The following CCDC12 variants were observed in gnomAD, a reference collection of about 807,000 sequenced individuals.
CCDC12 encodes coiled-coil domain-containing protein 12.
CCDC12 carries 28 observed loss-of-function variants against 25.7 expected under a neutral mutation model. The observed-to-expected ratio is 1.09, with a 90% CI of 0.81 to 1.50. The LOEUF (loss-of-function observed/expected upper bound fraction) is 1.50, where lower values mean the gene tolerates loss of function less well. CCDC12 is among the 40% of genes most tolerant of loss of function. The pLI, the probability that CCDC12 is intolerant of heterozygous loss-of-function variation, is 0.00. For synonymous variants in CCDC12, 75 were observed against 87.7 expected, an observed-to-expected ratio of 0.86 and a Z score of 0.81; for missense variants, 198 against 210.0, an observed-to-expected ratio of 0.94 and a Z score of 0.35.
chr3:46,931,498 CCTGGTCCACT>C (rs2033210733), intron 2 of CCDC12, among the ~76,000 whole-genome samples: 2 of 152,208 alleles, frequency 1.3e-5, no homozygotes, highest in Non-Finnish European at 2.9e-5. Flanking sequence ...TTTCATGGCC[CCTGGTCCACT>C]TCACTCACTC....
At chr3:46,979,496 C>G (rs976749194), upstream of CCDC12, 1 of 171,238 alleles carries the variant, frequency 5.8e-6, no homozygotes, top group Non-Finnish European at 1.2e-5. Flanking sequence ...CCCGGAGGCT[C>G]AGGCTGGCCC....
In CCDC12 at chr3:46,922,317, AGCAGGGAG is replaced by A. The variant is rs1559545809; in HGVS notation, c.342-13_342-6del. On this transcript the variant is annotated splice_polypyrimidine_tract_variant and splice_region_variant and intron_variant, in intron 5 of 6. Coordinates refer to ENST00000683445, the MANE Select transcript of CCDC12 (RefSeq NM_001277074.2). ...GCCACATCTCTCTTGAGGTCCCTGGAGCAGGGAGGCAGGGAGAAGCAGGAAGGTGAAGG... is the reference window on the plus strand; with the variant it reads ...GCCACATCTCTCTTGAGGTCCCTGGAGCAGGGAGAAGCAGGAAGGTGAAGG... The A allele has an allele frequency of 3.1e-6, 5 of 1,614,022 alleles. No homozygotes were observed. The highest frequency in any genetic ancestry group is 4.2e-6 in the Non-Finnish European group (5 of 1,180,006).
chr3:46,922,490 C>A lies in CCDC12; in HGVS notation c.342-178G>T. The stretch of plus-strand genomic sequence containing the variant: ...GTACCCTCCGAAACCCAGCATAAAC[C>A]ATCATTCCCTGTCCCACTGAGGCAG... On this transcript the variant is annotated intron_variant, in intron 5 of 6. Transcript: ENST00000683445. The A allele has an allele frequency of 4.6e-6, 3 of 650,218 alleles. No homozygotes were observed. In the South Asian group the frequency reaches 5.5e-5, roughly 12 times the overall value. 40.3% of individuals were successfully genotyped at this position (650,218 alleles called of 1,614,324 possible). A position where few individuals can be genotyped will look rare whatever the true frequency, so the allele number is the denominator to read the frequency against.
chr3:46,951,252 C>T (rs2034104493), intron 1 of CCDC12, among the ~76,000 whole-genome samples: 1 of 152,048 alleles, frequency 6.6e-6, no homozygotes, highest in African/African-American at 2.4e-5. Flanking sequence ...AGATGTTGGG[C>T]AAAGGACACA....
At chr3:46,935,286 G>C (rs1309359502) in intron 2 of CCDC12, among the ~76,000 whole-genome samples, 1 of 152,152 alleles carries the variant, frequency 6.6e-6, no homozygotes, top group African/African-American at 2.4e-5. Context: ...TTGGGAGGTC[G>C]GGACTTGCTT....
At chr3:46,935,664 G>C (rs1045121961) in intron 2 of CCDC12, among the ~76,000 whole-genome samples, 9 of 152,180 alleles carry the variant, frequency 5.9e-5, no homozygotes, top group Non-Finnish European at 7.3e-5. Flanking sequence ...TGCCTCTACA[G>C]AGTTAGCTAC....
At chr3:46,942,449 C>A (rs1047506513) in intron 1 of CCDC12, among the ~76,000 whole-genome samples, 1 of 152,258 alleles carries the variant, frequency 6.6e-6, no homozygotes, top group Non-Finnish European at 1.5e-5. Flanking sequence ...CTGGTGGACA[C>A]AGAATGCGCT....
intron 2 of CCDC12, among the ~76,000 whole-genome samples, chr3:46,937,238 C>A (rs1312015074): frequency 6.6e-6 from 1 of 152,214 alleles, no homozygotes; most frequent in Non-Finnish European, 1.5e-5. Flanking sequence ...ACCACCCACC[C>A]TTTCACACTG....
At chr3:46,923,251 A>T (rs2032765175) in intron 5 of CCDC12, 78 bp downstream of exon 5, 1 of 1,360,324 alleles carries the variant, frequency 7.4e-7, no homozygotes, top group Non-Finnish European at 9.7e-7. Flanking sequence ...GACGGCAGGA[A>T]GGGCCAAGCC....
chr3:46,947,341 G>A (rs2033946032), intron 1 of CCDC12, among the ~76,000 whole-genome samples: 3 of 152,204 alleles, frequency 2.0e-5, no homozygotes, highest in Admixed American at 2.0e-4. Flanking sequence ...GTCACCTTGT[G>A]CCCATCCTCA....
intron 1 of CCDC12, among the ~76,000 whole-genome samples, chr3:46,966,887 C>T (rs1007132947): frequency 3.3e-5 from 5 of 152,180 alleles, no homozygotes; most frequent in South Asian, 4.1e-4. Flanking sequence ...CCCCAGTCTT[C>T]GCCTGGCTTC....
At chr3:46,930,796 C>T (rs2033176055) in intron 2 of CCDC12, among the ~76,000 whole-genome samples, 1 of 152,182 alleles carries the variant, frequency 6.6e-6, no homozygotes, top group Non-Finnish European at 1.5e-5. Flanking sequence ...CCCAGTGTCC[C>T]TACTCACCCT....
At chr3:46,952,922 A>G (rs966613287) in intron 1 of CCDC12, among the ~76,000 whole-genome samples, 1 of 152,326 alleles carries the variant, frequency 6.6e-6, no homozygotes, top group Admixed American at 6.5e-5. Context: ...GGCTTCAAGC[A>G]TAGGCTGATT....
Position 46,921,879 on chromosome 3 carries a change from C to T in CCDC12, c.*178G>A. The T allele has an allele frequency of 1.5e-6, 1 of 645,264 alleles. No individual in the cohort carries two copies. Among genetic ancestry groups the T allele is most frequent in the Non-Finnish European group, 2.7e-6 (1 of 374,040 alleles). 40.0% of individuals were successfully genotyped at this position (645,264 alleles called of 1,614,324 possible). ...CTGGTTCTGCCTCCATTCAGAATGG[C>T]AGGGGCCACCCAGCAGACAAGGAGC... On this transcript the variant is annotated 3_prime_UTR_variant, in exon 7 of 7. Coordinates refer to ENST00000683445, the MANE Select transcript of CCDC12 (RefSeq NM_001277074.2).
At chr3:46,978,298 C>G (rs1010001484), upstream of CCDC12, among the ~76,000 whole-genome samples, 2 of 152,202 alleles carry the variant, frequency 1.3e-5, no homozygotes, top group African/African-American at 4.8e-5. Context: ...CAGCTCAGAG[C>G]TATGATGGAT....
intron 1 of CCDC12, among the ~76,000 whole-genome samples, chr3:46,970,755 T>G (rs1182083257): frequency 6.6e-6 from 1 of 152,218 alleles, no homozygotes; most frequent in Non-Finnish European, 1.5e-5. Context: ...TCCATTTGGC[T>G]GCTGAAGAAG....
At chr3:46,951,007 G>A (rs904986505) in intron 1 of CCDC12, among the ~76,000 whole-genome samples, 6 of 152,138 alleles carry the variant, frequency 3.9e-5, no homozygotes, top group Non-Finnish European at 5.9e-5. Flanking sequence ...TCGGGAGGCC[G>A]AGGCGGGTCC....
At chr3:46,976,763 G>A (rs770269407), upstream of CCDC12, 1 of 1,581,178 alleles carries the variant, frequency 6.3e-7, no homozygotes, top group South Asian at 1.2e-5. Context: ...CTTTTCTCCC[G>A]TCTTGCATCG....
chr3:46,933,122 C>A (rs532362352), intron 2 of CCDC12, among the ~76,000 whole-genome samples: 1 of 152,274 alleles, frequency 6.6e-6, no homozygotes, highest in East Asian at 1.9e-4. Context: ...TCAAGTGTTC[C>A]TCAAAGGAAA....
Sources: allele counts gnomAD v4.1 joint callset (sites outside exome capture counted in the v4.1 genomes callset), GRCh38; gene constraint gnomAD v4.1.1; transcripts MANE v1.5; gene names NCBI Gene and HGNC (gene_info 2026-07-23, HGNC 2026-07-21).